Variants in CELF1 observed in about 807,000 individuals in gnomAD.
The protein encoded by CELF1 is CUGBP Elav-like family member 1, also known as 50 kDa nuclear polyadenylated RNA-binding protein.
A neutral mutation model predicts 61.8 loss-of-function variants in CELF1; 10 were observed. That is an observed-to-expected ratio of 0.16 (90% CI 0.10 to 0.27). The LOEUF (loss-of-function observed/expected upper bound fraction) is 0.27. Among genes scored for constraint, CELF1 ranks in the 10% least tolerant of loss-of-function variants. The pLI is 1.00. For missense variants in CELF1, 380 were observed against 639.1 expected (o/e 0.59, Z 4.37); for synonymous variants, 236 against 225.1 (o/e 1.05, Z -0.43).
intron 1 of CELF1, among the ~76,000 whole-genome samples, chr11:47,537,968 G>A (rs1336353352): frequency 1.3e-5 from 2 of 150,984 alleles, no homozygotes; most frequent in Non-Finnish European, 2.9e-5. Flanking sequence ...CAGGCTGGCT[G>A]GAGTACATTG....
intron 1 of CELF1, among the ~76,000 whole-genome samples, chr11:47,531,555 C>T (rs2096476329): frequency 2.4e-5 from 3 of 124,540 alleles, no homozygotes; most frequent in Non-Finnish European, 1.7e-5. Context: ...GGCAACAGAG[C>T]GAGACTCCAT....
At chr11:47,563,543 G>A (rs2097233341) in intron 2 of CELF1, among the ~76,000 whole-genome samples, 1 of 152,064 alleles carries the variant, frequency 6.6e-6, no homozygotes, top group Admixed American at 6.6e-5. Flanking sequence ...CACAAAATTA[G>A]CCAGGCATGG....
intron 1 of CELF1, among the ~76,000 whole-genome samples, chr11:47,521,943 T>C (rs1444371910): frequency 4.6e-5 from 7 of 150,900 alleles, no homozygotes; most frequent in Non-Finnish European, 1.0e-4. Context: ...CGGGTTTTGC[T>C]CTTGTTGCCC....
chr11:47,540,832 C>G (rs1175672768), intron 1 of CELF1, among the ~76,000 whole-genome samples: 1 of 152,050 alleles, frequency 6.6e-6, no homozygotes, highest in African/African-American at 2.4e-5. Flanking sequence ...CTGCAGTGAG[C>G]CGAGATCGCG....
chr11:47,552,681 G>A (rs751499757), intron 1 of CELF1, among the ~76,000 whole-genome samples: 1 of 152,236 alleles, frequency 6.6e-6, no homozygotes, highest in African/African-American at 2.4e-5. Context: ...GGCAGGGCAC[G>A]AGGCCTCTGA....
At chr11:47,551,812 G>A (rs934807597) in intron 1 of CELF1, among the ~76,000 whole-genome samples, 1 of 152,132 alleles carries the variant, frequency 6.6e-6, no homozygotes, top group African/African-American at 2.4e-5. Context: ...TCAGGAGTTC[G>A]AGACCATCCA....
At chr11:47,544,686 G>C (rs933145867) in intron 1 of CELF1, among the ~76,000 whole-genome samples, 2 of 152,040 alleles carry the variant, frequency 1.3e-5, no homozygotes, top group African/African-American at 4.8e-5. Context: ...ACGTGTTCTG[G>C]TAACTATAGG....
chr11:47,527,925 G>A (rs1466405234), intron 1 of CELF1, among the ~76,000 whole-genome samples: 3 of 152,108 alleles, frequency 2.0e-5, no homozygotes, highest in East Asian at 1.9e-4. Context: ...GTGAAACCCC[G>A]TCTCTACTAA....
At chr11:47,538,729 A>G (rs763556893) in intron 1 of CELF1, among the ~76,000 whole-genome samples, 3 of 152,080 alleles carry the variant, frequency 2.0e-5, no homozygotes, top group African/African-American at 7.2e-5. Flanking sequence ...GAATGTTTAC[A>G]TTTCTCTGGA....
chr11:47,562,342 A>G (rs2097228674), intron 2 of CELF1, among the ~76,000 whole-genome samples: 1 of 151,684 alleles, frequency 6.6e-6, no homozygotes, highest in African/African-American at 2.4e-5. Flanking sequence ...CCTGGGCAAT[A>G]TGGTGAAAGC....
chr11:47,473,039 A>G (rs749321819), intron 14 of CELF1, 49 bp downstream of exon 14: 2 of 1,580,910 alleles, frequency 1.3e-6, no homozygotes, highest in Non-Finnish European at 1.7e-6. Flanking sequence ...CTTCTTTCTC[A>G]GTGGTAAAAT....
chr11:47,499,615 C>A lies in CELF1; in HGVS notation c.-81-11G>T. 2 of 990,534 alleles carry A rather than the reference C, an allele frequency of 2.0e-6. No homozygotes were observed. Among genetic ancestry groups the A allele is most frequent in the Admixed American group, 2.4e-5 (1 of 42,516 alleles). The allele number at this position is 990,534 out of a possible 1,614,324, so 61.4% of individuals were successfully genotyped here. On this transcript the variant is annotated splice_polypyrimidine_tract_variant and intron_variant, in intron 2 of 14. Transcript: ENST00000687097. ...CACAGCTTTAGCTTCCTGGGCCCCA[C>A]AAAAAACACAAAGTGGAAACAGGAG...
chr11:47,532,119 C>T (rs1447962286), intron 1 of CELF1, among the ~76,000 whole-genome samples: 1 of 152,098 alleles, frequency 6.6e-6, no homozygotes, highest in Non-Finnish European at 1.5e-5. Flanking sequence ...CAACCTTCGC[C>T]TCCCAGGTTC....
Position 47,520,328 on chromosome 11 carries a change from C to T in CELF1, c.-153-19396G>A, listed in dbSNP as rs567303872. On this transcript the variant is annotated intron_variant, in intron 1 of 14. Transcript: ENST00000687097. ...CATGATACAATACATTTTTTGCTAC[C>T]CTCCACTGAATTACATGGCCTACTA... Among the ~76,000 whole-genome samples the T allele has an allele frequency of 4.7e-4, 71 of 152,082 alleles. 1 individual carries two copies. In the South Asian group the frequency reaches 8.9e-3, roughly 19 times the overall value.
intron 9 of CELF1, among the ~76,000 whole-genome samples, chr11:47,480,447 G>C (rs1001547530): frequency 6.6e-6 from 1 of 152,100 alleles, no homozygotes; most frequent in Non-Finnish European, 1.5e-5. Flanking sequence ...GGTGAATACT[G>C]TACTTGGTCC....
At chr11:47,553,330 C>T (rs1263055603), upstream of CELF1, among the ~76,000 whole-genome samples, 1 of 152,136 alleles carries the variant, frequency 6.6e-6, no homozygotes, top group Non-Finnish European at 1.5e-5. Context: ...CGCACCTAAG[C>T]CCCTGGGGCC....
At chr11:47,529,969 A>C (rs1164070219) in intron 1 of CELF1, among the ~76,000 whole-genome samples, 1 of 152,176 alleles carries the variant, frequency 6.6e-6, no homozygotes, top group Non-Finnish European at 1.5e-5. Context: ...CTTATGCCTC[A>C]GTTTGTAAAG....
At chr11:47,479,440 G>GT (rs2153416583) in intron 9 of CELF1, among the ~76,000 whole-genome samples, 1 of 152,276 alleles carries the variant, frequency 6.6e-6, no homozygotes, top group South Asian at 2.1e-4. Context: ...ACATTTCATA[G>GT]TATTTCTTGG....
At chr11:47,559,728 G>A (rs567956214) in intron 2 of CELF1, among the ~76,000 whole-genome samples, 34 of 152,306 alleles carry the variant, frequency 2.2e-4, no homozygotes, top group South Asian at 1.5e-3. Context: ...GAGGCCGGGC[G>A]CAGTGGCCCA....
Sources: allele counts gnomAD v4.1 joint callset (sites outside exome capture counted in the v4.1 genomes callset), GRCh38; gene constraint gnomAD v4.1.1; transcripts MANE v1.5; gene names NCBI Gene and HGNC (gene_info 2026-07-23, HGNC 2026-07-21).